PTPRD: variants seen among roughly 807,000 people sequenced by gnomAD.
PTPRD encodes protein tyrosine phosphatase receptor type D, also known as receptor-type tyrosine-protein phosphatase delta.
In PTPRD, 34 loss-of-function variants were observed where a neutral mutation model predicts 214.5. The observed-to-expected ratio is 0.16, with a 90% CI of 0.12 to 0.21. The LOEUF (loss-of-function observed/expected upper bound fraction) is 0.21. Among genes scored for constraint, PTPRD ranks in the 10% least tolerant of loss-of-function variants. The pLI is 1.00. For synonymous variants in PTPRD, 1,128 were observed against 845.7 expected, an observed-to-expected ratio of 1.33 and a Z score of -5.79; for missense variants, 2,545 against 2,398.7, an observed-to-expected ratio of 1.06 and a Z score of -1.27.
intron 7 of PTPRD, among the ~76,000 whole-genome samples, chr9:9,593,559 C>A (rs1387898982): frequency 6.6e-6 from 1 of 151,736 alleles, no homozygotes; most frequent in Non-Finnish European, 1.5e-5. Flanking sequence ...GGGAGTCACC[C>A]CAGATTACTA....
chr9:8,973,618 T>A (rs988472888), intron 11 of PTPRD, among the ~76,000 whole-genome samples: 1 of 152,102 alleles, frequency 6.6e-6, no homozygotes, highest in African/African-American at 2.4e-5. Flanking sequence ...AGCTCTGTTT[T>A]AAGTTCTTTG....
intron 2 of PTPRD, among the ~76,000 whole-genome samples, chr9:10,487,246 T>A (rs1451295083): frequency 6.6e-6 from 1 of 152,148 alleles, no homozygotes; most frequent in Non-Finnish European, 1.5e-5. Flanking sequence ...TTTCTATCCA[T>A]TTGACCACTC....
In PTPRD at chr9:8,592,828, C is replaced by T. The variant is rs149803815; in HGVS notation, c.352+40489G>A. 5.2e-3 allele frequency among the ~76,000 whole-genome samples: 795 copies of T among 152,216 alleles called. 4 individuals carry two copies. Among genetic ancestry groups the T allele is most frequent in the Non-Finnish European group, 8.1e-3 (551 of 68,004 alleles). ...CAGCTATTACATAATATAGACTCAACGAGAAGATAACTAACTTTACTGAAC... is the reference window on the plus strand; with the variant it reads ...CAGCTATTACATAATATAGACTCAATGAGAAGATAACTAACTTTACTGAAC... On this transcript the variant is annotated intron_variant, in intron 14 of 45. Transcript: ENST00000381196.
chr9:9,569,198 C>G (rs967112468), intron 8 of PTPRD, among the ~76,000 whole-genome samples: 1 of 151,292 alleles, frequency 6.6e-6, no homozygotes, highest in Non-Finnish European at 1.5e-5. Flanking sequence ...AGATGATACG[C>G]TAGTCATTTG....
At chr9:10,111,997 A>T (rs1323871349) in intron 3 of PTPRD, among the ~76,000 whole-genome samples, 1 of 152,194 alleles carries the variant, frequency 6.6e-6, no homozygotes, top group African/African-American at 2.4e-5. Context: ...TGATTTTGCT[A>T]TGTAGGCCTG....
intron 7 of PTPRD, among the ~76,000 whole-genome samples, chr9:9,651,114 A>C (rs2096333133): frequency 6.6e-6 from 1 of 152,160 alleles, no homozygotes; most frequent in African/African-American, 2.4e-5. Context: ...GGGATATCTC[A>C]GTCTTATGCT....
chr9:9,426,992 A>G (rs2081215994), intron 8 of PTPRD, among the ~76,000 whole-genome samples: 1 of 152,240 alleles, frequency 6.6e-6, no homozygotes, highest in South Asian at 2.1e-4. Context: ...TCTAAAAATC[A>G]GAACACCTCT....
chr9:10,365,263 T>C (rs534764494), intron 2 of PTPRD, among the ~76,000 whole-genome samples: 1 of 152,304 alleles, frequency 6.6e-6, no homozygotes, highest in East Asian at 1.9e-4. Flanking sequence ...AGTTGTCCAC[T>C]CTGCTTATAG....
At chr9:9,525,287 T>C (rs2073858017) in intron 8 of PTPRD, among the ~76,000 whole-genome samples, 2 of 152,212 alleles carry the variant, frequency 1.3e-5, no homozygotes, top group Non-Finnish European at 2.9e-5. Context: ...CTGTAGACTA[T>C]ATTCTTGCCA....
At chr9:9,590,454 T>C (rs1027148681) in intron 7 of PTPRD, among the ~76,000 whole-genome samples, 6 of 152,020 alleles carry the variant, frequency 3.9e-5, no homozygotes, top group African/African-American at 1.4e-4. Flanking sequence ...TTTTAAGTGT[T>C]TTTGTATGAA....
At chr9:9,923,856 G>A (rs528640697) in intron 5 of PTPRD, among the ~76,000 whole-genome samples, 10 of 152,002 alleles carry the variant, frequency 6.6e-5, no homozygotes, top group Admixed American at 2.6e-4. Flanking sequence ...AATGAAGTGC[G>A]ATCTAGGAAC....
chr9:9,567,921 T>G (rs936024701), intron 8 of PTPRD, among the ~76,000 whole-genome samples: 3 of 151,926 alleles, frequency 2.0e-5, no homozygotes, highest in African/African-American at 7.2e-5. Flanking sequence ...TCTTAATCTT[T>G]TATGGCATAA....
intron 7 of PTPRD, among the ~76,000 whole-genome samples, chr9:9,645,822 G>T (rs2096142789): frequency 6.6e-6 from 1 of 152,010 alleles, no homozygotes; most frequent in Admixed American, 6.6e-5. Flanking sequence ...ATTACAGTGA[G>T]TATATTTTAA....
intron 14 of PTPRD, among the ~76,000 whole-genome samples, chr9:8,584,938 A>G (rs937794892): frequency 2.6e-5 from 4 of 152,182 alleles, no homozygotes; most frequent in African/African-American, 9.7e-5. Flanking sequence ...TAAAACCATC[A>G]GATCTCATGA....
chr9:9,672,804 A>G (rs1272553627), intron 7 of PTPRD, among the ~76,000 whole-genome samples: 3 of 152,082 alleles, frequency 2.0e-5, no homozygotes, highest in African/African-American at 7.2e-5. Context: ...TAGACATACG[A>G]CCTAAATCTG....
At chr9:8,525,142 C>T (rs1426269432) in intron 17 of PTPRD, 107 bp from the exon 18 acceptor site, 5 of 901,078 alleles carry the variant, frequency 5.5e-6, no homozygotes, top group Non-Finnish European at 9.3e-6. Context: ...AGCGAAGGTC[C>T]ACTCAACGTC....
chr9:9,012,609 A>G (rs1019360373), intron 11 of PTPRD, among the ~76,000 whole-genome samples: 3 of 152,170 alleles, frequency 2.0e-5, no homozygotes, highest in Non-Finnish European at 4.4e-5. Context: ...ATGTCTAATG[A>G]CTGTTCTACT....
intron 2 of PTPRD, among the ~76,000 whole-genome samples, chr9:10,441,269 G>A (rs2098756619): frequency 6.6e-6 from 1 of 151,686 alleles, no homozygotes; most frequent in African/African-American, 2.4e-5. Context: ...TACGGTGAAA[G>A]GCCTTTCCTG....
intron 11 of PTPRD, among the ~76,000 whole-genome samples, chr9:8,796,644 T>A (rs908174678): frequency 4.6e-5 from 7 of 152,190 alleles, no homozygotes; most frequent in African/African-American, 1.4e-4. Flanking sequence ...CAAATCATCA[T>A]GTGCCTGATA....
Sources: allele counts gnomAD v4.1 joint callset (sites outside exome capture counted in the v4.1 genomes callset), GRCh38; gene constraint gnomAD v4.1.1; transcripts MANE v1.5; gene names NCBI Gene and HGNC (gene_info 2026-07-23, HGNC 2026-07-21).